CNIH3: variants seen among roughly 807,000 people sequenced by gnomAD.
The protein encoded by CNIH3 is cornichon family AMPA receptor auxiliary protein 3, also known as protein cornichon homolog 3.
A neutral mutation model predicts 24.1 loss-of-function variants in CNIH3; 14 were observed. The ratio of observed to expected loss-of-function variants is 0.58; its 90% confidence interval spans 0.38 to 0.91. The LOEUF (loss-of-function observed/expected upper bound fraction) is 0.91. Ranked by LOEUF, CNIH3 falls within the 40% of genes least tolerant of loss-of-function variation. The pLI is 0.00. For missense variants in CNIH3, 178 were observed against 196.8 expected (o/e 0.90, Z 0.57); for synonymous variants, 68 against 73.8 (o/e 0.92, Z 0.40).
chr1:224,662,905 G>C (rs190188975), intron 1 of CNIH3, among the ~76,000 whole-genome samples: 4 of 152,284 alleles, frequency 2.6e-5, no homozygotes, highest in Admixed American at 2.6e-4. Context: ...GGGTTAAGCA[G>C]TTTCCAAGGC....
intron 1 of CNIH3, among the ~76,000 whole-genome samples, chr1:224,520,267 A>G (rs922307267): frequency 3.3e-5 from 5 of 152,210 alleles, no homozygotes; most frequent in African/African-American, 9.6e-5. Context: ...CCTTACACAG[A>G]AAGGCTTGAG....
At chr1:224,444,828 A>G (rs963425595) in intron 1 of CNIH3, among the ~76,000 whole-genome samples, 9 of 150,366 alleles carry the variant, frequency 6.0e-5, no homozygotes, top group East Asian at 2.0e-4. Context: ...TATTTTTAGT[A>G]TAGATGAGGT....
At chr1:224,457,271 C>CTGTGTGTG (rs1355352698) in intron 1 of CNIH3, among the ~76,000 whole-genome samples, 4 of 82,208 alleles carry the variant, frequency 4.9e-5, no homozygotes, top group Non-Finnish European at 9.5e-5. Flanking sequence ...CCTCCTCTCT[C>CTGTGTGTG]TCTCTGTGTG....
Position 224,606,128 on chromosome 1 carries a change from G to A in CNIH3, n.402+39864G>A, listed in dbSNP as rs148902607. 3.7e-3 allele frequency among the ~76,000 whole-genome samples: 559 copies of A among 152,128 alleles called. 2 individuals carry two copies. Among genetic ancestry groups the A allele is most frequent in the African/African-American group, 0.013 (535 of 41,460 alleles). ...GTGTGGTCTCGCGGCAGTGTCTGGG[G>A]GTGGGTACTTGCGACCCCCCCAGAT... On this transcript the variant is annotated intron_variant and non_coding_transcript_variant, in intron 3 of 7. Transcript: ENST00000478120.
At chr1:224,552,449 T>G (rs1296588880) in intron 3 of CNIH3, among the ~76,000 whole-genome samples, 1 of 150,524 alleles carries the variant, frequency 6.6e-6, no homozygotes, top group African/African-American at 2.4e-5. Context: ...GTATTAGGAG[T>G]AATATCTCCC....
At chr1:224,701,546 T>C (rs1296017305) in intron 3 of CNIH3, among the ~76,000 whole-genome samples, 1 of 152,126 alleles carries the variant, frequency 6.6e-6, no homozygotes, top group Admixed American at 6.6e-5. Context: ...AGACCCCACT[T>C]CCTAACACCA....
chr1:224,613,268 T>C (rs1232666377), upstream of CNIH3, among the ~76,000 whole-genome samples: 1 of 152,214 alleles, frequency 6.6e-6, no homozygotes, highest in Non-Finnish European at 1.5e-5. Flanking sequence ...CCCAAAGTGC[T>C]GAGATTACAG....
intron 3 of CNIH3, among the ~76,000 whole-genome samples, chr1:224,726,805 A>G (rs1363874877): frequency 2.6e-5 from 4 of 152,190 alleles, no homozygotes; most frequent in African/African-American, 9.7e-5. Flanking sequence ...TGGCAATTCA[A>G]TAGGCTGTGG....
At chr1:224,652,669 C>G (rs1684914415) in intron 1 of CNIH3, among the ~76,000 whole-genome samples, 1 of 152,128 alleles carries the variant, frequency 6.6e-6, no homozygotes, top group Non-Finnish European at 1.5e-5. Context: ...GCTGCACACA[C>G]CACATCAACG....
At chr1:224,663,579 C>G (rs1357944359) in intron 1 of CNIH3, among the ~76,000 whole-genome samples, 2 of 152,082 alleles carry the variant, frequency 1.3e-5, no homozygotes, top group Non-Finnish European at 2.9e-5. Flanking sequence ...TGTATACACA[C>G]AAACAATCAC....
At chr1:224,592,902 G>A (rs1681819907), downstream of CNIH3, among the ~76,000 whole-genome samples, 1 of 152,148 alleles carries the variant, frequency 6.6e-6, no homozygotes, top group African/African-American at 2.4e-5. Flanking sequence ...GCTAAATGGG[G>A]AGTTTCTAAC....
intron 1 of CNIH3, chr1:224,664,707 C>T (rs1685514693): frequency 6.6e-6 from 1 of 152,100 alleles, no homozygotes; most frequent in Admixed American, 6.6e-5. Flanking sequence ...TTTCTCTTTC[C>T]ACTTCAGCTT....
rs2125037235 is a variant in CNIH3 at position 224,597,439 on chromosome 1, G to A, written n.402+31175G>A. On this transcript the variant is annotated intron_variant and non_coding_transcript_variant, in intron 3 of 7. Transcript: ENST00000478120. The stretch of plus-strand genomic sequence containing the variant: ...GAATCTTAACAGACAGGCCTCGCTA[G>A]GTTTCCCTGCTCAGTCTATTAATAT... 1.3e-5 allele frequency among the ~76,000 whole-genome samples: 2 copies of A among 152,308 alleles called. 1 individual carries two copies. Among genetic ancestry groups the A allele is most frequent in the South Asian group, 4.1e-4 (2 of 4,826 alleles).
At position 224,454,260 on chromosome 1, in the gene CNIH3, T is replaced by G. The variant is rs926158629; in HGVS notation, n.203+19398T>G. On this transcript the variant is annotated intron_variant and non_coding_transcript_variant, in intron 1 of 5. Coordinates refer to the CNIH3 transcript ENST00000471578. ...ACAGGCTCATTTCTACTAGTAAGTT[T>G]TTTTTTTTTTTTTTCAGATCTCTGC... 6 of 965,752 alleles carry G rather than the reference T, an allele frequency of 6.2e-6. No individual in the cohort carries two copies. The Admixed American group carries it at 3.1e-4, about 50-fold the overall frequency. 59.8% of individuals were successfully genotyped at this position (965,752 alleles called of 1,614,324 possible). A position where few individuals can be genotyped will look rare whatever the true frequency, so the allele number is the denominator to read the frequency against.
At chr1:224,529,979 T>A (rs1338714004) in intron 2 of CNIH3, among the ~76,000 whole-genome samples, 1 of 152,200 alleles carries the variant, frequency 6.6e-6, no homozygotes, top group East Asian at 1.9e-4. Flanking sequence ...GCCAGCTTGG[T>A]ATTGCTGAGC....
chr1:224,653,087 C>T (rs909250809), intron 1 of CNIH3, among the ~76,000 whole-genome samples: 8 of 152,332 alleles, frequency 5.3e-5, no homozygotes, highest in African/African-American at 1.9e-4. Context: ...TCTACATATT[C>T]CTTGTCAACC....
rs145614053 is a variant in CNIH3 at position 224,705,562 on chromosome 1, G to A, written c.198+20719G>A. ...TCCTGGGATCCCCTGCTCCCATTCT[G>A]TGATTTTTGTGCTGGATGTTCAAGG... On this transcript the variant is annotated intron_variant, in intron 3 of 5. Coordinates refer to ENST00000272133, the MANE Select transcript of CNIH3 (RefSeq NM_152495.2). Among the ~76,000 whole-genome samples the A allele has an allele frequency of 2.6e-4, 40 of 152,324 alleles. No individual in the cohort carries two copies. In the East Asian group the frequency reaches 6.7e-3, roughly 26 times the overall value.
At chr1:224,567,558 G>A (rs909519389) in intron 4 of CNIH3, among the ~76,000 whole-genome samples, 3 of 152,180 alleles carry the variant, frequency 2.0e-5, no homozygotes, top group African/African-American at 7.2e-5. Flanking sequence ...TGGTGCAAAA[G>A]CAATTGCATT....
rs117101556 is a variant in CNIH3, at chr1:224,698,763, A to T, written c.198+13920A>T. 4.8e-4 allele frequency among the ~76,000 whole-genome samples: 73 copies of T among 152,336 alleles called. No homozygotes were observed. The East Asian group carries it at 0.012, about 25-fold the overall frequency. On this transcript the variant is annotated intron_variant, in intron 3 of 5. Coordinates refer to ENST00000272133, the MANE Select transcript of CNIH3 (RefSeq NM_152495.2). ...CGTGCTTTCCTTAGCAGACTAGAAG[A>T]TGAGTAAGGGCACTAATTGTGAATC...
Sources: gnomAD v4.1 joint callset for allele counts (sites outside exome capture counted in the v4.1 genomes callset) on GRCh38, gnomAD v4.1.1 for gene constraint, MANE v1.5 for transcripts, NCBI Gene and HGNC (gene_info 2026-07-23, HGNC 2026-07-21) for gene names.